The following GCA variants were observed in gnomAD, a reference collection of about 807,000 sequenced individuals.
GCA encodes the protein grancalcin, EF-hand calcium-binding protein.
Under a neutral mutation model 32.6 loss-of-function variants are expected in GCA, and 30 were observed. The ratio of observed to expected loss-of-function variants is 0.92; its 90% CI spans 0.69 to 1.25. GCA has a LOEUF of 1.25. Ranked by LOEUF, GCA falls within the 50% of genes most tolerant of loss-of-function variation. The pLI, the probability that GCA is intolerant of heterozygous loss-of-function variation, is 0.00. For missense variants in GCA, 291 were observed against 266.8 expected (o/e 1.09, Z -0.63); for synonymous variants, 102 against 84.6 (o/e 1.21, Z -1.13).
intron 4 of GCA, among the ~76,000 whole-genome samples, chr2:162,369,761 A>G (rs1685867400): frequency 6.6e-6 from 1 of 152,096 alleles, no homozygotes; most frequent in Non-Finnish European, 1.5e-5. Context: ...GTGTCCCAAT[A>G]TGGAAATAAA....
At chr2:162,353,286 G>A (rs1042891564) in intron 3 of GCA, among the ~76,000 whole-genome samples, 2 of 152,132 alleles carry the variant, frequency 1.3e-5, no homozygotes, top group Non-Finnish European at 1.5e-5. Context: ...TGGCCACCAT[G>A]GTGAAACCCC....
intron 5 of GCA, 85 bp from the exon 6 acceptor site, chr2:162,358,959 G>C (rs1685419764): frequency 1.6e-6 from 1 of 623,410 alleles, no homozygotes; most frequent in Admixed American, 2.8e-5. Context: ...AATTTTGAAA[G>C]TTATTTTATG....
intron 1 of GCA, among the ~76,000 whole-genome samples, chr2:162,324,045 C>T (rs1214573915): frequency 1.3e-5 from 2 of 152,116 alleles, no homozygotes; most frequent in Non-Finnish European, 2.9e-5. Flanking sequence ...CTGCTCAAAC[C>T]TCTAGGGGAG....
At chr2:162,368,257 T>A (rs73971847) in intron 4 of GCA, among the ~76,000 whole-genome samples, 1,668 of 151,540 alleles carry the variant, frequency 0.011, 28 homozygotes, top group African/African-American at 0.038. Context: ...GAAACATATT[T>A]GTTTTACTGT....
At chr2:162,328,010 G>A (rs1338746181) in intron 1 of GCA, among the ~76,000 whole-genome samples, 7 of 152,104 alleles carry the variant, frequency 4.6e-5, no homozygotes, top group Non-Finnish European at 7.4e-5. Flanking sequence ...CTCCCACTTT[G>A]GCGGCACTTG....
At chr2:162,372,107 A>G (rs1685970709), downstream of GCA, 2 of 1,593,666 alleles carry the variant, frequency 1.3e-6, no homozygotes, top group East Asian at 2.2e-5. Context: ...TGATGGAAAA[A>G]GAACAAAACA....
chr2:162,372,486 C>A (rs540920736), downstream of GCA, among the ~76,000 whole-genome samples: 2 of 151,978 alleles, frequency 1.3e-5, no homozygotes, highest in Non-Finnish European at 2.9e-5. Context: ...AAGTAAAATC[C>A]GTCATCCCTA....
At chr2:162,332,081 A>C (rs1684106553) in intron 1 of GCA, among the ~76,000 whole-genome samples, 1 of 151,934 alleles carries the variant, frequency 6.6e-6, no homozygotes, top group Admixed American at 6.6e-5. Flanking sequence ...AGGCCGAGGC[A>C]GGCAGATCAT....
At chr2:162,353,935 C>T (rs1252128626) in intron 3 of GCA, among the ~76,000 whole-genome samples, 1 of 151,832 alleles carries the variant, frequency 6.6e-6, no homozygotes, top group Non-Finnish European at 1.5e-5. Context: ...TTTTCCTCAA[C>T]TTTATTTCCT....
chr2:162,354,892 C>T (rs189825606), intron 3 of GCA, among the ~76,000 whole-genome samples: 69 of 152,306 alleles, frequency 4.5e-4, no homozygotes, highest in African/African-American at 1.6e-3. Context: ...AAGTCTGTCT[C>T]TCCACTCTTT....
At chr2:162,360,097 T>C in intron 7 of GCA, 120 bp from the exon 8 acceptor site, 1 of 632,634 alleles carries the variant, frequency 1.6e-6, no homozygotes, top group East Asian at 3.1e-5. Flanking sequence ...TTGGCTTGAA[T>C]TATAAGCCTT....
intron 7 of GCA, among the ~76,000 whole-genome samples, chr2:162,359,870 A>AT (rs1416278449): frequency 6.6e-6 from 1 of 151,136 alleles, no homozygotes; most frequent in African/African-American, 2.4e-5. Context: ...CTGTAGTGAT[A>AT]TTTTTTCTCA....
downstream of GCA, among the ~76,000 whole-genome samples, chr2:162,363,170 TTTC>T (rs1444694395): frequency 6.6e-6 from 1 of 151,450 alleles, no homozygotes; most frequent in African/African-American, 2.4e-5. Context: ...AATGATATGT[TTTC>T]TTCTGCTTTT....
intron 1 of GCA, among the ~76,000 whole-genome samples, chr2:162,335,414 CAA>C (rs573005587): frequency 1.7e-4 from 10 of 58,264 alleles, no homozygotes; most frequent in Admixed American, 1.9e-4. Flanking sequence ...GACTCTGTCT[CAA>C]AAAAAAAAAA....
At chr2:162,323,184 T>G (rs1363341098) in intron 1 of GCA, among the ~76,000 whole-genome samples, 1 of 151,856 alleles carries the variant, frequency 6.6e-6, no homozygotes, top group African/African-American at 2.4e-5. Context: ...TTTCATGTGT[T>G]TTTTGGCTGC....
chr2:162,357,041 G>A (rs994349998), intron 5 of GCA, 136 bp downstream of exon 5: 5 of 576,000 alleles, frequency 8.7e-6, no homozygotes, highest in Non-Finnish European at 1.5e-5. Flanking sequence ...TGTTTTCAAG[G>A]TTGTAGGTAA....
At chr2:162,325,752 T>C (rs1422842396) in intron 1 of GCA, among the ~76,000 whole-genome samples, 1 of 152,196 alleles carries the variant, frequency 6.6e-6, no homozygotes, top group African/African-American at 2.4e-5. Context: ...TCTCAGTGTC[T>C]GTCAGGGTCT....
At chr2:162,323,488 G>A (rs6432715) in intron 1 of GCA, among the ~76,000 whole-genome samples, 8,342 of 151,496 alleles carry the variant, frequency 0.055, 930 homozygotes, top group African/African-American at 0.19. Context: ...TTGCCCATGC[G>A]TATGTCCTGA....
At chr2:162,367,858 T>G (rs1346893042), downstream of GCA, among the ~76,000 whole-genome samples, 1 of 151,980 alleles carries the variant, frequency 6.6e-6, no homozygotes, top group East Asian at 1.9e-4. Context: ...TTCTCAAGCT[T>G]CTGTGAGACA....
Sources: allele counts gnomAD v4.1 joint callset (sites outside exome capture counted in the v4.1 genomes callset), GRCh38; gene constraint gnomAD v4.1.1; transcripts MANE v1.5; gene names NCBI Gene and HGNC (gene_info 2026-07-23, HGNC 2026-07-21).